Variants in ZC4H2 observed in about 807,000 individuals in gnomAD.
ZC4H2 encodes the protein zinc finger C4H2 domain-containing protein.
For missense variants in ZC4H2, 137 were observed against 173.9 expected, an observed-to-expected ratio of 0.79 and a Z score of 1.19; for synonymous variants, 84 against 66.3, an observed-to-expected ratio of 1.27 and a Z score of -1.30.
chrX:64,952,527 G>A (rs1357796386), intron 1 of ZC4H2, among the ~76,000 whole-genome samples: 1 of 110,751 alleles, frequency 9.0e-6, no homozygotes, highest in African/African-American at 3.3e-5. Context: ...ACCAATAACA[G>A]ACAAACAGAG....
At chrX:64,923,104 C>A (rs1037859774) in intron 1 of ZC4H2, among the ~76,000 whole-genome samples, 1 of 111,871 alleles carries the variant, frequency 8.9e-6, no homozygotes, top group South Asian at 3.8e-4. Context: ...ACTTTCTGGG[C>A]TTTCAGCAAA....
chrX:64,997,925 A>AT (rs1932451597), intron 1 of ZC4H2, among the ~76,000 whole-genome samples: 1 of 112,112 alleles, frequency 8.9e-6, no homozygotes, highest in Admixed American at 9.5e-5. Context: ...GCCAAGTAGC[A>AT]TTTTTTGTAG....
chrX:64,987,657 G>A (rs1167898240), intron 1 of ZC4H2, among the ~76,000 whole-genome samples: 3 of 109,517 alleles, frequency 2.7e-5, no homozygotes, highest in African/African-American at 9.9e-5. Flanking sequence ...AAAAAAAGGA[G>A]AAAACCTTTT....
chrX:65,012,224 C>CAAAAAAAAAAAAAAAAAAGAAAA (rs1932761226), intron 1 of ZC4H2, among the ~76,000 whole-genome samples: 1 of 25,344 alleles, frequency 3.9e-5, no homozygotes, highest in African/African-American at 9.5e-5. Flanking sequence ...GACCCCGTCT[C>CAAAAAAAAAAAAAAAAAAGAAAA]AAAAAAAAAA....
chrX:64,919,254 C>T lies in ZC4H2; in HGVS notation c.399-50G>A, dbSNP rs766846250. The T allele has an allele frequency of 1.2e-5, 14 of 1,181,761 alleles. No individual in the cohort carries two copies. In the East Asian group the frequency reaches 3.6e-4, roughly 30 times the overall value. On this transcript the variant is annotated intron_variant, in intron 3 of 4. Transcript: ENST00000374839. ...AGATCATTCTGAAAGCAATGAGAAC[C>T]TTGCTCCTCTTAAAGACTCCATGCC...
intron 1 of ZC4H2, among the ~76,000 whole-genome samples, chrX:65,006,851 T>C (rs1219050057): frequency 4.4e-5 from 5 of 112,479 alleles, no homozygotes; most frequent in Non-Finnish European, 7.5e-5. Flanking sequence ...AGACACTTTG[T>C]GAAAAATTAG....
intron 1 of ZC4H2, among the ~76,000 whole-genome samples, chrX:64,954,352 A>AAT (rs1569215113): frequency 1.3e-4 from 9 of 71,149 alleles, no homozygotes; most frequent in African/African-American, 9.4e-4. Context: ...ATATATATAT[A>AAT]TAATTATATA....
intron 1 of ZC4H2, among the ~76,000 whole-genome samples, chrX:64,932,428 T>A (rs2147363125): frequency 8.9e-6 from 1 of 111,791 alleles, no homozygotes; most frequent in Admixed American, 9.6e-5. Flanking sequence ...TGTTTTGGAT[T>A]TTTTTCATTG....
chrX:65,026,404 G>A (rs1349116405), intron 1 of ZC4H2, among the ~76,000 whole-genome samples: 2 of 111,946 alleles, frequency 1.8e-5, no homozygotes, highest in Non-Finnish European at 3.8e-5. Flanking sequence ...ATTCAAACTA[G>A]CTTGAGCAAC....
intron 1 of ZC4H2, among the ~76,000 whole-genome samples, chrX:64,952,758 G>C (rs775426906): frequency 2.7e-5 from 3 of 109,903 alleles, no homozygotes; most frequent in East Asian, 3.0e-4. Context: ...GTAATTTATA[G>C]ATTCAATGTC....
intron 1 of ZC4H2, among the ~76,000 whole-genome samples, chrX:64,993,796 G>T (rs920983185): frequency 8.9e-5 from 10 of 112,054 alleles, no homozygotes; most frequent in African/African-American, 2.9e-4. Context: ...AGAATAATAA[G>T]AAGAAATGTT....
intron 1 of ZC4H2, among the ~76,000 whole-genome samples, chrX:65,013,919 A>G (rs1015622993): frequency 9.0e-6 from 1 of 111,515 alleles, no homozygotes; most frequent in Non-Finnish European, 1.9e-5. Flanking sequence ...ACATTCTGCC[A>G]TGGGCTAACA....
At chrX:64,967,850 G>A (rs192891255) in intron 1 of ZC4H2, among the ~76,000 whole-genome samples, 2 of 112,023 alleles carry the variant, frequency 1.8e-5, no homozygotes, top group African/African-American at 6.5e-5. Context: ...TCTAGACAGT[G>A]GCACTATGCC....
chrX:65,026,348 C>T (rs1292007107), intron 1 of ZC4H2, among the ~76,000 whole-genome samples: 2 of 111,841 alleles, frequency 1.8e-5, no homozygotes, highest in African/African-American at 6.5e-5. Context: ...TGCAGAAGAG[C>T]TAAGCAGTTT....
At chrX:64,951,417 A>G (rs1569213465) in intron 1 of ZC4H2, among the ~76,000 whole-genome samples, 1 of 111,802 alleles carries the variant, frequency 8.9e-6, no homozygotes, top group Non-Finnish European at 1.9e-5. Context: ...AGTCCCACCA[A>G]CAGTGTAAAA....
At chrX:64,928,259 T>C (rs1454411020) in intron 1 of ZC4H2, among the ~76,000 whole-genome samples, 4 of 112,455 alleles carry the variant, frequency 3.6e-5, no homozygotes. Context: ...GTTTTAGGTC[T>C]TACATTTAAG....
At chrX:64,985,823 A>T (rs1045927161) in intron 1 of ZC4H2, among the ~76,000 whole-genome samples, 3 of 111,831 alleles carry the variant, frequency 2.7e-5, no homozygotes, top group Non-Finnish European at 5.6e-5. Flanking sequence ...CACTCCTCTA[A>T]GCCATCACAT....
chrX:64,973,342 T>C (rs1468277105), intron 1 of ZC4H2, among the ~76,000 whole-genome samples: 2 of 110,812 alleles, frequency 1.8e-5, no homozygotes, highest in African/African-American at 6.6e-5. Context: ...TTCAGTGTTT[T>C]CTCTCAGTAA....
intron 3 of ZC4H2, chrX:64,919,549 C>T (rs746852951): frequency 1.2e-5 from 2 of 166,192 alleles, no homozygotes; most frequent in South Asian, 2.5e-4. Context: ...GAGTAGGAAG[C>T]TCACAAACTC....
Sources: allele counts gnomAD v4.1 joint callset (sites outside exome capture counted in the v4.1 genomes callset), GRCh38; gene constraint gnomAD v4.1.1; transcripts MANE v1.5; gene names NCBI Gene and HGNC (gene_info 2026-07-23, HGNC 2026-07-21).